Variants in MMP20 observed in about 807,000 individuals in gnomAD.
MMP20 encodes matrix metalloproteinase-20.
A neutral mutation model predicts 51.8 loss-of-function variants in MMP20; 50 were observed. The observed-to-expected ratio is 0.97, with a 90% CI of 0.77 to 1.22. The LOEUF (loss-of-function observed/expected upper bound fraction) is 1.22, where lower values mean the gene tolerates loss of function less well. Ranked by LOEUF, MMP20 falls within the 50% of genes most tolerant of loss-of-function variation. The probability of loss-of-function intolerance (pLI) is 0.00; values close to 1 mark genes in which losing one functional copy is unlikely to be tolerated. For missense variants in MMP20, 663 were observed against 601.4 expected, an observed-to-expected ratio of 1.10 and a Z score of -1.07; for synonymous variants, 244 against 216.2, an observed-to-expected ratio of 1.13 and a Z score of -1.13.
chr11:102,611,959 G>A, intron 2 of MMP20, 56 bp from the exon 3 acceptor site: 1 of 1,515,184 alleles, frequency 6.6e-7, no homozygotes, highest in Non-Finnish European at 9.2e-7. Context: ...AAGAAGGCAA[G>A]AATTATATGT....
At chr11:102,610,582 A>G (rs1312848542) in intron 3 of MMP20, among the ~76,000 whole-genome samples, 2 of 152,208 alleles carry the variant, frequency 1.3e-5, no homozygotes, top group Non-Finnish European at 2.9e-5. Flanking sequence ...AAAACATATG[A>G]AAGTCATAAA....
intron 9 of MMP20, among the ~76,000 whole-genome samples, chr11:102,578,464 A>G (rs527883814): frequency 6.6e-6 from 1 of 152,218 alleles, no homozygotes; most frequent in Non-Finnish European, 1.5e-5. Flanking sequence ...AAAGATAGAA[A>G]AGGTAATCTT....
intron 6 of MMP20, among the ~76,000 whole-genome samples, chr11:102,597,471 A>G (rs1208889195): frequency 2.0e-5 from 3 of 152,216 alleles, no homozygotes; most frequent in Non-Finnish European, 2.9e-5. Context: ...TTGTAAATCA[A>G]GTGTGATTTT....
intron 8 of MMP20, among the ~76,000 whole-genome samples, chr11:102,586,183 T>G (rs903999317): frequency 7.2e-5 from 11 of 152,210 alleles, no homozygotes; most frequent in African/African-American, 2.4e-4. Context: ...TTAATTCTGT[T>G]CTTTTCTAAG....
intron 8 of MMP20, among the ~76,000 whole-genome samples, chr11:102,590,315 T>G (rs1353671639): frequency 6.6e-6 from 1 of 152,190 alleles, no homozygotes; most frequent in Non-Finnish European, 1.5e-5. Context: ...TTGGCAAAGT[T>G]TAACCAATAT....
At chr11:102,599,599 T>G (rs1859422424) in intron 6 of MMP20, among the ~76,000 whole-genome samples, 1 of 152,200 alleles carries the variant, frequency 6.6e-6, no homozygotes, top group Non-Finnish European at 1.5e-5. Context: ...AAAAGACATG[T>G]TTTTACTCCA....
intron 8 of MMP20, among the ~76,000 whole-genome samples, chr11:102,592,480 G>T (rs936797875): frequency 6.6e-6 from 1 of 152,010 alleles, no homozygotes; most frequent in Non-Finnish European, 1.5e-5. Flanking sequence ...TCCAAATTGG[G>T]GAAGAAAATA....
intron 6 of MMP20, among the ~76,000 whole-genome samples, chr11:102,602,302 CAT>C (rs1859458555): frequency 6.6e-6 from 1 of 150,906 alleles, no homozygotes; most frequent in Admixed American, 6.6e-5. Context: ...ATTTAAGACA[CAT>C]AACATCTTTT....
intron 8 of MMP20, chr11:102,583,497 G>A (rs1859219243): frequency 1.3e-5 from 2 of 152,186 alleles, no homozygotes; most frequent in Admixed American, 1.3e-4. Flanking sequence ...ATTCAGTACA[G>A]TATCATGTTG....
At chr11:102,584,935 T>C (rs1359930554) in intron 8 of MMP20, among the ~76,000 whole-genome samples, 2 of 152,162 alleles carry the variant, frequency 1.3e-5, no homozygotes, top group African/African-American at 4.8e-5. Flanking sequence ...TGCCCATAGA[T>C]ACATGGCTTT....
intron 6 of MMP20, among the ~76,000 whole-genome samples, chr11:102,604,628 T>C (rs1735259284): frequency 6.6e-6 from 1 of 152,178 alleles, no homozygotes; most frequent in Admixed American, 6.5e-5. Context: ...TGGGCTCAGC[T>C]CTAATTTGCC....
intron 7 of MMP20, among the ~76,000 whole-genome samples, chr11:102,593,868 C>T (rs1040834895): frequency 6.6e-6 from 1 of 152,152 alleles, no homozygotes; most frequent in Non-Finnish European, 1.5e-5. Context: ...TCAAGATATC[C>T]TTCATTTATA....
At chr11:102,584,956 T>C (rs889622760) in intron 8 of MMP20, among the ~76,000 whole-genome samples, 15 of 152,156 alleles carry the variant, frequency 9.9e-5, no homozygotes, top group African/African-American at 3.6e-4. Context: ...ATTTCCTTAC[T>C]CTAAATTTTA....
At chr11:102,599,180 C>A (rs1295771587) in intron 6 of MMP20, among the ~76,000 whole-genome samples, 2 of 152,042 alleles carry the variant, frequency 1.3e-5, no homozygotes, top group Non-Finnish European at 2.9e-5. Context: ...ACCTGCCCAG[C>A]TAATTTTTGT....
chr11:102,606,399 C>T (rs1478003791), intron 6 of MMP20, 136 bp downstream of exon 6: 2 of 1,187,998 alleles, frequency 1.7e-6, no homozygotes, highest in Non-Finnish European at 2.4e-6. Flanking sequence ...AGACCCCTGC[C>T]TACCACCCTT....
intron 5 of MMP20, 59 bp from the exon 6 acceptor site, chr11:102,606,735 T>C (rs1859523140): frequency 7.5e-6 from 12 of 1,592,992 alleles, no homozygotes; most frequent in African/African-American, 1.3e-5. Flanking sequence ...CACACACTTC[T>C]GCTCTAGAGC....
At chr11:102,614,227 A>G (rs1283581571) in intron 2 of MMP20, among the ~76,000 whole-genome samples, 3 of 152,170 alleles carry the variant, frequency 2.0e-5, no homozygotes, top group East Asian at 1.9e-4. Context: ...TATAAGCACT[A>G]TGCTGTATTT....
At chr11:102,577,939 G>C (rs997034385) in intron 9 of MMP20, among the ~76,000 whole-genome samples, 1 of 152,238 alleles carries the variant, frequency 6.6e-6, no homozygotes, top group Non-Finnish European at 1.5e-5. Context: ...CATTCTGTGA[G>C]AGCAGTGGCC....
intron 2 of MMP20, among the ~76,000 whole-genome samples, chr11:102,612,817 A>G (rs970160613): frequency 1.3e-5 from 2 of 149,532 alleles, no homozygotes; most frequent in African/African-American, 4.9e-5. Context: ...GCTCACTGCA[A>G]CCACTGCCTC....
Sources: gnomAD v4.1 joint callset for allele counts (sites outside exome capture counted in the v4.1 genomes callset) on GRCh38, gnomAD v4.1.1 for gene constraint, MANE v1.5 for transcripts, NCBI Gene and HGNC (gene_info 2026-07-23, HGNC 2026-07-21) for gene names.